CAMTA1: variants seen among roughly 807,000 people sequenced by gnomAD.
CAMTA1 encodes the protein calmodulin binding transcription activator 1, also known as calmodulin-binding transcription activator 1.
CAMTA1 carries 27 observed loss-of-function variants against 170.9 expected under a neutral mutation model. The ratio of observed to expected loss-of-function variants is 0.16; its 90% confidence interval spans 0.12 to 0.22. The LOEUF is 0.22. Among genes scored for constraint, CAMTA1 ranks in the 10% least tolerant of loss-of-function variants. CAMTA1 has a pLI of 1.00. For missense variants in CAMTA1, 1,619 were observed against 2,217.2 expected, an observed-to-expected ratio of 0.73 and a Z score of 5.42; for synonymous variants, 833 against 891.5, an observed-to-expected ratio of 0.93 and a Z score of 1.17.
At chr1:7,566,149 T>C (rs748693663) in intron 6 of CAMTA1, among the ~76,000 whole-genome samples, 4 of 152,182 alleles carry the variant, frequency 2.6e-5, no homozygotes, top group Non-Finnish European at 5.9e-5. Context: ...ATGGAGGTTT[T>C]CCTGGATCCT....
intron 3 of CAMTA1, among the ~76,000 whole-genome samples, chr1:6,857,149 G>T (rs1174561281): frequency 6.6e-6 from 1 of 152,220 alleles, no homozygotes; most frequent in Non-Finnish European, 1.5e-5. Context: ...AGACCACTGG[G>T]TGCAATTTGC....
chr1:7,053,910 A>T (rs1488246993), intron 3 of CAMTA1, among the ~76,000 whole-genome samples: 1 of 152,190 alleles, frequency 6.6e-6, no homozygotes, highest in African/African-American at 2.4e-5. Context: ...TTAAAGCAGT[A>T]TCCCTGGCGC....
At chr1:6,880,945 CAAA>C (rs909921216) in intron 3 of CAMTA1, among the ~76,000 whole-genome samples, 2 of 152,024 alleles carry the variant, frequency 1.3e-5, no homozygotes, top group African/African-American at 4.8e-5. Flanking sequence ...TAAACAAAAA[CAAA>C]AATAAATAAC....
At chr1:6,795,616 CT>C (rs1299168565) in intron 1 of CAMTA1, among the ~76,000 whole-genome samples, 11 of 152,250 alleles carry the variant, frequency 7.2e-5, no homozygotes, top group Non-Finnish European at 1.3e-4. Flanking sequence ...GTTAATTGAG[CT>C]TTTCTCTTTT....
intron 7 of CAMTA1, among the ~76,000 whole-genome samples, chr1:7,643,216 T>G (rs1440865839): frequency 6.6e-6 from 1 of 152,204 alleles, no homozygotes; most frequent in South Asian, 2.1e-4. Flanking sequence ...TGTCTGCTTC[T>G]TCTTAGGTCA....
intron 3 of CAMTA1, among the ~76,000 whole-genome samples, chr1:6,995,960 C>T (rs1697189338): frequency 6.6e-6 from 1 of 152,190 alleles, no homozygotes; most frequent in Non-Finnish European, 1.5e-5. Flanking sequence ...GCAAGTAGGG[C>T]AGGGGAACAG....
chr1:7,481,061 C>G (rs1315990793), intron 6 of CAMTA1, among the ~76,000 whole-genome samples: 1 of 152,192 alleles, frequency 6.6e-6, no homozygotes, highest in Non-Finnish European at 1.5e-5. Context: ...CTTTCCTGCT[C>G]AGAAATATGT....
chr1:7,156,434 G>T (rs1646891400), intron 4 of CAMTA1, among the ~76,000 whole-genome samples: 1 of 152,184 alleles, frequency 6.6e-6, no homozygotes, highest in Admixed American at 6.5e-5. Flanking sequence ...GCGACCAGCT[G>T]GCCTCTGAGG....
rs114169689 is a variant in CAMTA1, at chr1:7,738,763, G to A, written c.4182+281G>A. Among the ~76,000 whole-genome samples the A allele has an allele frequency of 5.5e-3, 839 of 152,244 alleles. 12 individuals carry two copies. Among genetic ancestry groups the A allele is most frequent in the South Asian group, 0.011 (51 of 4,824 alleles). ...GAACTCACTGAGGACCCTACAGTAC[G>A]TCATCTGCTTCCTCCTTGCATTTAG... On this transcript the variant is annotated intron_variant, in intron 16 of 22. Transcript: ENST00000303635. The surrounding 1 kb of genome is among the most constrained non-coding windows in gnomAD (Gnocchi z 4.9).
intron 5 of CAMTA1, among the ~76,000 whole-genome samples, chr1:7,464,749 G>T (rs186449612): frequency 6.6e-6 from 1 of 152,088 alleles, no homozygotes. Context: ...GCACACTCAC[G>T]GGGGGTCCAA....
At chr1:7,437,081 G>A (rs960744671) in intron 5 of CAMTA1, among the ~76,000 whole-genome samples, 8 of 152,062 alleles carry the variant, frequency 5.3e-5, no homozygotes, top group African/African-American at 1.9e-4. Context: ...ACTGACAGCC[G>A]CAGGCAAGCA....
At chr1:7,451,102 G>A (rs978198033) in intron 5 of CAMTA1, among the ~76,000 whole-genome samples, 9 of 152,192 alleles carry the variant, frequency 5.9e-5, no homozygotes, top group African/African-American at 2.2e-4. Context: ...CCCTGCTGAG[G>A]CTCCAGGTCC....
At chr1:6,833,808 T>TA (rs1390711588) in intron 3 of CAMTA1, among the ~76,000 whole-genome samples, 1 of 152,224 alleles carries the variant, frequency 6.6e-6, no homozygotes, top group Non-Finnish European at 1.5e-5. Flanking sequence ...GTTCAGGTGT[T>TA]ACTTTTTCAG....
At position 6,927,881 on chromosome 1, in the gene CAMTA1, C is replaced by A. The variant is rs1315873308; in HGVS notation, c.234+102671C>A. 2.0e-5 allele frequency among the ~76,000 whole-genome samples: 3 copies of A among 152,348 alleles called. No individual in the cohort carries two copies. In the East Asian group the frequency reaches 5.8e-4, roughly 29 times the overall value. On this transcript the variant is annotated intron_variant, in intron 3 of 22. Coordinates refer to ENST00000303635, the MANE Select transcript of CAMTA1 (RefSeq NM_015215.4). ...GTGACTTGTGGCCTTCCCCTAGCTA[C>A]CCAGGAAACTGGCCAATAGGCCTGA...
intron 3 of CAMTA1, among the ~76,000 whole-genome samples, chr1:6,827,688 C>T (rs992542415): frequency 1.3e-5 from 2 of 152,104 alleles, no homozygotes; most frequent in East Asian, 1.9e-4. Flanking sequence ...CTGAAGGAAA[C>T]GTAGTTCAGT....
At chr1:7,295,955 C>T (rs530297050) in intron 5 of CAMTA1, among the ~76,000 whole-genome samples, 16 of 152,330 alleles carry the variant, frequency 1.1e-4, no homozygotes, top group South Asian at 2.1e-4. Flanking sequence ...TACAAGGCTA[C>T]CGAAAAGGTG....
chr1:6,945,680 C>T (rs141104646), intron 3 of CAMTA1, among the ~76,000 whole-genome samples: 2,366 of 152,252 alleles, frequency 0.016, 29 homozygotes, highest in Middle Eastern at 0.031. Context: ...CCTGTCTCCC[C>T]GGGCCTAGGC....
Position 7,249,679 on chromosome 1 carries a change from G to A in CAMTA1, c.438+53G>A. The A allele has an allele frequency of 6.3e-7, 1 of 1,593,890 alleles. No homozygotes were observed. Among genetic ancestry groups the A allele is most frequent in the Non-Finnish European group, 8.6e-7 (1 of 1,168,366 alleles). The stretch of plus-strand genomic sequence containing the variant: ...GCACAAATGTCATTTGCAGGCTGCA[G>A]TGGAGAATGGAATTGCTTGGAGTAA... On this transcript the variant is annotated intron_variant, in intron 5 of 22. Transcript: ENST00000303635. This position sits in a 1 kb window ranked among gnomAD's most constrained non-coding sequence, Gnocchi z 4.4.
intron 5 of CAMTA1, among the ~76,000 whole-genome samples, chr1:7,378,321 G>A (rs1419612897): frequency 6.6e-6 from 1 of 152,192 alleles, no homozygotes; most frequent in African/African-American, 2.4e-5. Flanking sequence ...AGGAAGCCGT[G>A]TTACATAATC....
Sources: gnomAD v4.1 joint callset for allele counts (sites outside exome capture counted in the v4.1 genomes callset) on GRCh38, gnomAD v4.1.1 for gene constraint, Gnocchi (gnomAD v3.1) non-coding constraint, MANE v1.5 for transcripts, NCBI Gene and HGNC (gene_info 2026-07-23, HGNC 2026-07-21) for gene names.